The following RAD51B variants were observed in gnomAD, a reference collection of about 807,000 sequenced individuals.
RAD51B encodes the protein DNA repair protein RAD51 homolog 2.
A neutral mutation model predicts 42.2 loss-of-function variants in RAD51B; 38 were observed. The observed-to-expected ratio is 0.90, with a 90% CI of 0.70 to 1.18. RAD51B has a LOEUF of 1.18. Ranked by LOEUF, RAD51B falls within the 50% of genes most tolerant of loss-of-function variation. RAD51B has a pLI of 0.00. For missense variants in RAD51B, 373 were observed against 400.7 expected (o/e 0.93, Z 0.59); for synonymous variants, 154 against 145.2 (o/e 1.06, Z -0.43).
intron 7 of RAD51B, among the ~76,000 whole-genome samples, chr14:68,168,864 C>T (rs1487438132): frequency 6.6e-6 from 1 of 151,870 alleles, no homozygotes; most frequent in Non-Finnish European, 1.5e-5. Flanking sequence ...ACATGATGTT[C>T]ATGAAATTGA....
At chr14:68,453,271 G>A (rs772435868) in intron 9 of RAD51B, among the ~76,000 whole-genome samples, 8 of 152,176 alleles carry the variant, frequency 5.3e-5, no homozygotes, top group Non-Finnish European at 1.2e-4. Context: ...AAAAGACAAA[G>A]AGAGCATGAA....
chr14:68,355,028 A>G lies in RAD51B; in HGVS notation c.854-56396A>G, dbSNP rs141790194. Among the ~76,000 whole-genome samples, 113 of 152,296 alleles carry G rather than the reference A, an allele frequency of 7.4e-4. 1 individual carries two copies. The highest frequency in any genetic ancestry group is 4.2e-3 in the East Asian group (22 of 5,182). Reference sequence around the variant, plus strand: ...TTTTTAGGAAGAACTCTAGTGAGTAAGCTCTCTGGCTGTAGAGGGGACCGT... The same window carrying G: ...TTTTTAGGAAGAACTCTAGTGAGTAGGCTCTCTGGCTGTAGAGGGGACCGT... On this transcript the variant is annotated intron_variant, in intron 8 of 10. Coordinates refer to ENST00000471583, the MANE Select transcript of RAD51B (RefSeq NM_133510.4).
At chr14:68,234,669 G>A (rs573943795) in intron 7 of RAD51B, among the ~76,000 whole-genome samples, 25 of 152,246 alleles carry the variant, frequency 1.6e-4, no homozygotes, top group African/African-American at 5.8e-4. Context: ...ATCAAAAATG[G>A]TATATCTATG....
chr14:68,654,933 C>T (rs1176215246), intron 11 of RAD51B, among the ~76,000 whole-genome samples: 3 of 152,160 alleles, frequency 2.0e-5, no homozygotes, highest in Non-Finnish European at 4.4e-5. Flanking sequence ...CCCTCCCCTC[C>T]AGCTCCCTCC....
chr14:68,134,804 A>C (rs2077974864), intron 7 of RAD51B, among the ~76,000 whole-genome samples: 1 of 151,030 alleles, frequency 6.6e-6, no homozygotes, highest in African/African-American at 2.4e-5. Context: ...AATTTTGGGA[A>C]TCCTCTTCGC....
chr14:68,566,233 A>G (rs908345600), intron 10 of RAD51B, among the ~76,000 whole-genome samples: 6 of 152,214 alleles, frequency 3.9e-5, no homozygotes, highest in Non-Finnish European at 1.5e-5. Flanking sequence ...CTCAGAGTCT[A>G]CAAGTATTTG....
At chr14:68,215,682 G>A (rs1411447905) in intron 7 of RAD51B, among the ~76,000 whole-genome samples, 2 of 152,202 alleles carry the variant, frequency 1.3e-5, no homozygotes, top group South Asian at 2.1e-4. Context: ...GGTTATGAAC[G>A]TGCCCAAAGG....
intron 8 of RAD51B, among the ~76,000 whole-genome samples, chr14:68,326,172 C>G (rs1003199959): frequency 6.6e-6 from 1 of 151,340 alleles, no homozygotes; most frequent in African/African-American, 2.4e-5. Context: ...TCCCGAGTAG[C>G]TGGTATTACA....
intron 9 of RAD51B, among the ~76,000 whole-genome samples, chr14:68,452,273 G>T (rs902607217): frequency 6.6e-6 from 1 of 152,158 alleles, no homozygotes; most frequent in African/African-American, 2.4e-5. Context: ...GTATTTGTTT[G>T]CTTTAATTGG....
At chr14:68,208,064 A>G (rs745917317) in intron 7 of RAD51B, among the ~76,000 whole-genome samples, 4 of 152,042 alleles carry the variant, frequency 2.6e-5, no homozygotes, top group Non-Finnish European at 5.9e-5. Flanking sequence ...AGGGAAACTC[A>G]TGTTTTTCTT....
chr14:68,668,033 A>C (rs1321033714), intron 11 of RAD51B, among the ~76,000 whole-genome samples: 3 of 152,206 alleles, frequency 2.0e-5, no homozygotes, highest in Non-Finnish European at 4.4e-5. Context: ...GCTGGGAAAC[A>C]AGTGATTACC....
chr14:68,006,512 C>A (rs889054061), intron 7 of RAD51B, among the ~76,000 whole-genome samples: 1 of 151,988 alleles, frequency 6.6e-6, no homozygotes, highest in South Asian at 2.1e-4. Context: ...ATTGCATATA[C>A]AAGTATATAT....
intron 7 of RAD51B, among the ~76,000 whole-genome samples, chr14:68,019,641 G>A (rs1397836703): frequency 6.6e-6 from 1 of 152,150 alleles, no homozygotes; most frequent in East Asian, 1.9e-4. Context: ...GAACTTGAGT[G>A]TGTGTGGATT....
At chr14:68,641,902 A>G (rs1221310683) in intron 10 of RAD51B, among the ~76,000 whole-genome samples, 2 of 151,094 alleles carry the variant, frequency 1.3e-5, no homozygotes, top group African/African-American at 2.4e-5. Context: ...GATGGATTAC[A>G]TTAACTGATT....
chr14:68,481,151 G>T (rs1344640379), downstream of RAD51B, among the ~76,000 whole-genome samples: 1 of 152,116 alleles, frequency 6.6e-6, no homozygotes. Context: ...GTGTTTTCTT[G>T]TAGTGCTCTC....
At chr14:67,957,164 A>C (rs2074566948) in intron 7 of RAD51B, among the ~76,000 whole-genome samples, 1 of 152,236 alleles carries the variant, frequency 6.6e-6, no homozygotes, top group East Asian at 1.9e-4. Context: ...ATACACAAGG[A>C]AAAGTACAGA....
Position 67,857,785 on chromosome 14 carries a change from C to T in RAD51B, c.316-7218C>T, listed in dbSNP as rs1023096799. On this transcript the variant is annotated intron_variant, in intron 4 of 10. Transcript: ENST00000471583. Reference sequence around the variant, plus strand: ...GACAGGGGTATCCCATTTACTCGGCCCACCATGCTCAACCTCTTGCGGGAG... The same window carrying T: ...GACAGGGGTATCCCATTTACTCGGCTCACCATGCTCAACCTCTTGCGGGAG... The T allele has an allele frequency of 2.0e-5, 3 of 153,162 alleles. No individual in the cohort carries two copies. The East Asian group carries it at 5.8e-4, about 29-fold the overall frequency. 9.5% of individuals were successfully genotyped at this position (153,162 alleles called of 1,614,324 possible). A position where few individuals can be genotyped will look rare whatever the true frequency, so the allele number is the denominator to read the frequency against.
At chr14:68,606,284 A>T (rs1384669901) in intron 10 of RAD51B, among the ~76,000 whole-genome samples, 1 of 152,116 alleles carries the variant, frequency 6.6e-6, no homozygotes, top group African/African-American at 2.4e-5. Context: ...GAGCCAAGCC[A>T]GGCTTCTTAG....
chr14:67,877,091 G>A (rs1388756638), intron 5 of RAD51B, among the ~76,000 whole-genome samples: 2 of 152,016 alleles, frequency 1.3e-5, no homozygotes, highest in Admixed American at 6.6e-5. Context: ...GGGGGTGCAA[G>A]AAGAAATTTT....
Sources: allele counts gnomAD v4.1 joint callset (sites outside exome capture counted in the v4.1 genomes callset), GRCh38; gene constraint gnomAD v4.1.1; transcripts MANE v1.5; gene names NCBI Gene and HGNC (gene_info 2026-07-23, HGNC 2026-07-21).